The following SSBP3 variants were observed in gnomAD, a reference collection of about 807,000 sequenced individuals.
The protein encoded by SSBP3 is single stranded DNA binding protein 3.
A neutral mutation model predicts 69.6 loss-of-function variants in SSBP3; 5 were observed. That is an observed-to-expected ratio of 0.07 (90% CI 0.04 to 0.15). SSBP3 has a LOEUF of 0.15. Ranked by LOEUF, SSBP3 falls within the 10% of genes least tolerant of loss-of-function variation. The pLI, the probability that SSBP3 is intolerant of heterozygous loss-of-function variation, is 1.00. For missense variants in SSBP3, 312 were observed against 534.0 expected, an observed-to-expected ratio of 0.58 and a Z score of 4.10; for synonymous variants, 196 against 193.4, an observed-to-expected ratio of 1.01 and a Z score of -0.11.
chr1:54,342,607 TG>T (rs533848174), intron 4 of SSBP3, among the ~76,000 whole-genome samples: 130 of 151,634 alleles, frequency 8.6e-4, no homozygotes, highest in African/African-American at 3.0e-3. Context: ...AGGGACAGAC[TG>T]GGGGAAGGCA....
At chr1:54,331,071 C>T in intron 4 of SSBP3, among the ~76,000 whole-genome samples, 1 of 152,224 alleles carries the variant, frequency 6.6e-6, no homozygotes, top group East Asian at 1.9e-4. Flanking sequence ...TTCAAAATTT[C>T]CTTCTTCTAA....
At chr1:54,390,699 C>T (rs1557587413) in intron 4 of SSBP3, among the ~76,000 whole-genome samples, 1 of 152,200 alleles carries the variant, frequency 6.6e-6, no homozygotes, top group African/African-American at 2.4e-5. Context: ...GCTGAAATTC[C>T]CTGTCATGCT....
chr1:54,398,882 A>T (rs900894359), intron 4 of SSBP3, among the ~76,000 whole-genome samples: 6 of 152,088 alleles, frequency 3.9e-5, no homozygotes, highest in African/African-American at 1.4e-4. Flanking sequence ...GGCTGCACAA[A>T]CTCCCCACAC....
intron 5 of SSBP3, among the ~76,000 whole-genome samples, chr1:54,269,551 C>A (rs3766425): frequency 0.44 from 67,318 of 151,794 alleles, 15,417 homozygotes; most frequent in African/African-American, 0.54. Flanking sequence ...TCTAGCGAAT[C>A]GGAACTTAGC....
chr1:54,365,111 T>A (rs926116987), intron 4 of SSBP3, among the ~76,000 whole-genome samples: 1 of 152,162 alleles, frequency 6.6e-6, no homozygotes, highest in Non-Finnish European at 1.5e-5. Flanking sequence ...GAGCTTTTTT[T>A]GCACCCGCAC....
At chr1:54,344,490 A>G (rs536258761) in intron 4 of SSBP3, among the ~76,000 whole-genome samples, 108 of 152,282 alleles carry the variant, frequency 7.1e-4, no homozygotes, top group African/African-American at 2.4e-3. Context: ...TGATTCGAAT[A>G]TGTTCAAGAC....
chr1:54,251,470 G>T, intron 9 of SSBP3, 146 bp downstream of exon 9: 1 of 903,798 alleles, frequency 1.1e-6, no homozygotes, highest in Non-Finnish European at 1.7e-6. Context: ...CACAGGAAGC[G>T]GACAGGAGCA....
upstream of SSBP3, among the ~76,000 whole-genome samples, chr1:54,408,069 A>G (rs1236732035): frequency 6.6e-6 from 1 of 151,874 alleles, no homozygotes; most frequent in Non-Finnish European, 1.5e-5. Flanking sequence ...CAATGTAACA[A>G]CCTCCCTAAA....
intron 5 of SSBP3, among the ~76,000 whole-genome samples, chr1:54,272,104 A>G (rs1462161521): frequency 6.6e-6 from 1 of 152,176 alleles, no homozygotes; most frequent in Non-Finnish European, 1.5e-5. Flanking sequence ...AGTTTACAGG[A>G]TCACAGGTGG....
chr1:54,392,799 G>A (rs1375154018), intron 4 of SSBP3, among the ~76,000 whole-genome samples: 1 of 152,236 alleles, frequency 6.6e-6, no homozygotes, highest in Non-Finnish European at 1.5e-5. Context: ...CCCTCAAGGA[G>A]CTTTCATTCC....
chr1:54,270,611 C>T (rs1645176036), intron 5 of SSBP3, among the ~76,000 whole-genome samples: 1 of 152,178 alleles, frequency 6.6e-6, no homozygotes, highest in African/African-American at 2.4e-5. Flanking sequence ...CCCTAAGACT[C>T]CCTCCTGGAA....
At chr1:54,282,504 A>G (rs991694776) in intron 4 of SSBP3, among the ~76,000 whole-genome samples, 1 of 152,212 alleles carries the variant, frequency 6.6e-6, no homozygotes, top group African/African-American at 2.4e-5. Context: ...TTTGCCTGGT[A>G]TATCTGCCTC....
At chr1:54,355,273 AC>A (rs1646845105) in intron 4 of SSBP3, among the ~76,000 whole-genome samples, 2 of 152,264 alleles carry the variant, frequency 1.3e-5, no homozygotes, top group South Asian at 4.1e-4. Context: ...GAATTTCTGG[AC>A]AATATCTATC....
intron 4 of SSBP3, among the ~76,000 whole-genome samples, chr1:54,347,596 A>G (rs1452188780): frequency 6.6e-6 from 1 of 152,226 alleles, no homozygotes; most frequent in African/African-American, 2.4e-5. Context: ...CCGATTCTAC[A>G]TCCTTTTGCA....
intron 4 of SSBP3, among the ~76,000 whole-genome samples, chr1:54,394,053 C>T (rs1466759991): frequency 1.3e-5 from 2 of 152,204 alleles, no homozygotes; most frequent in Non-Finnish European, 1.5e-5. Flanking sequence ...AGCCACTGCG[C>T]CCGGCCTGGT....
chr1:54,298,086 G>A (rs932160884), intron 4 of SSBP3, among the ~76,000 whole-genome samples: 1 of 152,150 alleles, frequency 6.6e-6, no homozygotes, highest in African/African-American at 2.4e-5. Flanking sequence ...AAGCCTCCGG[G>A]TGCAGGTCAG....
chr1:54,263,504 T>A (rs1211278830), intron 5 of SSBP3, among the ~76,000 whole-genome samples: 1 of 152,184 alleles, frequency 6.6e-6, no homozygotes, highest in East Asian at 1.9e-4. Flanking sequence ...GCTGGCAGTG[T>A]GAGGCACACG....
Position 54,337,485 on chromosome 1 carries a change from C to CTTTTTTTTTTTTTTT in SSBP3, c.277-55973_277-55959dup, listed in dbSNP as rs869039822. On this transcript the variant is annotated intron_variant, in intron 4 of 17. Coordinates refer to ENST00000610401, the Ensembl canonical transcript of SSBP3. Reference sequence around the variant, plus strand: ...ACCAAAGCATTTTGTTTTCCTCAAGCTTTTTTTTTTTTTTTTTTTTTTTTT... The same window carrying CTTTTTTTTTTTTTTT: ...ACCAAAGCATTTTGTTTTCCTCAAGCTTTTTTTTTTTTTTTTTTTTTTTTTTTTTTTTTTTTTTTT... Among the ~76,000 whole-genome samples the CTTTTTTTTTTTTTTT allele has an allele frequency of 2.5e-3, 127 of 51,164 alleles. 25 individuals carry two copies. The highest frequency in any genetic ancestry group is 6.5e-3 in the East Asian group (7 of 1,070). The allele number at this position is 51,164 out of a possible 152,430, so 33.6% of individuals were successfully genotyped here. A position where few individuals can be genotyped will look rare whatever the true frequency, so the allele number is the denominator to read the frequency against.
At chr1:54,345,060 A>G (rs1646666637) in intron 4 of SSBP3, among the ~76,000 whole-genome samples, 1 of 151,816 alleles carries the variant, frequency 6.6e-6, no homozygotes, top group African/African-American at 2.4e-5. Flanking sequence ...TTTCTACTCC[A>G]CTCCTGTCAT....
Sources: allele counts gnomAD v4.1 joint callset (sites outside exome capture counted in the v4.1 genomes callset), GRCh38; gene constraint gnomAD v4.1.1; transcripts MANE v1.5; gene names NCBI Gene and HGNC (gene_info 2026-07-23, HGNC 2026-07-21).